NLE1: variants seen among roughly 807,000 people sequenced by gnomAD.
The protein encoded by NLE1 is notchless protein homolog 1.
NLE1 carries 37 observed loss-of-function variants against 62.8 expected under a neutral mutation model. The observed-to-expected ratio is 0.59, with a 90% CI of 0.45 to 0.78. The LOEUF is 0.78. NLE1 is among the 30% of genes least tolerant of loss of function. NLE1 has a pLI of 0.00. For missense variants in NLE1, 555 were observed against 637.9 expected, an observed-to-expected ratio of 0.87 and a Z score of 1.40; for synonymous variants, 243 against 253.0, an observed-to-expected ratio of 0.96 and a Z score of 0.37.
chr17:35,130,529 C>G lies in NLE1; in HGVS notation c.*1908G>C, dbSNP rs1384488159. The G allele has an allele frequency of 7.4e-7, 1 of 1,351,482 alleles. No homozygotes were observed. Among genetic ancestry groups the G allele is most frequent in the East Asian group, 2.4e-5 (1 of 41,986 alleles). The allele number at this position is 1,351,482 out of a possible 1,614,324, so 83.7% of individuals were successfully genotyped here. ...TGAGACCTACCATACCACCAGCACC[C>G]TGCGGGCCCGGGGTCTGGCAGAGTG... is the stretch of plus-strand genomic sequence containing the variant. On this transcript the variant is annotated 3_prime_UTR_variant, in exon 13 of 13. Transcript: ENST00000442241.
Position 35,129,069 on chromosome 17 carries a change from G to A in NLE1, c.*3368C>T. 2 of 228,658 alleles carry A rather than the reference G, an allele frequency of 8.7e-6. No homozygotes were observed. Among genetic ancestry groups the A allele is most frequent in the Admixed American group, 9.9e-5 (2 of 20,246 alleles). The allele number at this position is 228,658 out of a possible 1,614,324, so 14.2% of individuals were successfully genotyped here. On this transcript the variant is annotated 3_prime_UTR_variant, in exon 13 of 13. Coordinates refer to ENST00000442241, the MANE Select transcript of NLE1 (RefSeq NM_018096.5). ...GCCGTGGGGAGCAGCTGTAAATACA[G>A]ATGAAGCTTCGCTTGCTCGCCCACC...
chr17:35,132,528 G>A (rs2091882557), intron 12 of NLE1, 79 bp from the exon 13 acceptor site: 3 of 1,213,868 alleles, frequency 2.5e-6, no homozygotes, highest in Non-Finnish European at 3.2e-6. Context: ...AGTGTCAACA[G>A]ACGGACGGCC....
At position 35,129,860 on chromosome 17, in the gene NLE1, T is replaced by A; in HGVS notation, c.*2577A>T. ...AAGCCACTCTGGGGCCCACTAGGAA[T>A]GCAAACGAATGTATTTTTCAACATC... On this transcript the variant is annotated 3_prime_UTR_variant, in exon 13 of 13. Coordinates refer to ENST00000442241, the MANE Select transcript of NLE1 (RefSeq NM_018096.5). 7.0e-7 allele frequency: 1 copy of A among 1,421,458 alleles called. No individual in the cohort carries two copies. The highest frequency in any genetic ancestry group is 9.2e-7 in the Non-Finnish European group (1 of 1,092,042). The allele number at this position is 1,421,458 out of a possible 1,614,324, so 88.1% of individuals were successfully genotyped here.
At chr17:35,134,468 C>T (rs925980313) in intron 10 of NLE1, among the ~76,000 whole-genome samples, 1 of 151,868 alleles carries the variant, frequency 6.6e-6, no homozygotes, top group Non-Finnish European at 1.5e-5. Context: ...GGTGTGAACT[C>T]GACTCACTGC....
chr17:35,140,885 C>T (rs9899231), intron 2 of NLE1, among the ~76,000 whole-genome samples: 4,777 of 152,310 alleles, frequency 0.031, 234 homozygotes, highest in African/African-American at 0.11. Context: ...CCACTGCACC[C>T]GGCCTGAAAT....
intron 5 of NLE1, 60 bp downstream of exon 5, chr17:35,137,754 G>C (rs367850987): frequency 2.2e-6 from 2 of 922,250 alleles, no homozygotes; most frequent in Admixed American, 1.9e-5. Flanking sequence ...ACCTGATTCT[G>C]AACTGTCTCC....
chr17:35,135,481 G>C, intron 9 of NLE1, 30 bp from the exon 10 acceptor site: 1 of 1,606,990 alleles, frequency 6.2e-7, no homozygotes, highest in Non-Finnish European at 8.5e-7. Flanking sequence ...CACTGTGTTG[G>C]GTGTGGTCTC....
In NLE1 at chr17:35,133,400, A is replaced by G. The variant is rs1462710106; in HGVS notation, c.1313T>C (p.Leu438Pro). The change falls in exon 11 of 13, where the codon CTG becomes CCG. Residue 438 changes from leucine (L) to proline (P), a missense_variant. Physicochemically the swap from Leu to Pro is moderately conservative, Grantham distance 98 (BLOSUM62 -3). Coordinates refer to ENST00000442241, the MANE Select transcript of NLE1 (RefSeq NM_018096.5). ...LLVSGSSDSTLKVWDVKAQKL... is the reference protein window; with the variant it reads ...LLVSGSSDSTPKVWDVKAQKL... Reference sequence around the variant, plus strand: ...CTGGGCCTTCACATCCCACACCTTCAGTGTGCTGTCACTGCTGCCGCTGAC... The same window carrying G: ...CTGGGCCTTCACATCCCACACCTTCGGTGTGCTGTCACTGCTGCCGCTGAC... 2.7e-5 allele frequency: 44 copies of G among 1,614,004 alleles called. No homozygotes were observed. Among genetic ancestry groups the G allele is most frequent in the Non-Finnish European group, 3.7e-5 (44 of 1,180,018 alleles).
At chr17:35,135,138 G>A in intron 10 of NLE1, 111 bp downstream of exon 10, 1 of 968,450 alleles carries the variant, frequency 1.0e-6, no homozygotes, top group Non-Finnish European at 1.7e-6. Flanking sequence ...AGAGGAAACA[G>A]TGGCTTAGAA....
At chr17:35,134,441 C>T (rs1194809430) in intron 10 of NLE1, among the ~76,000 whole-genome samples, 1 of 152,056 alleles carries the variant, frequency 6.6e-6, no homozygotes, top group African/African-American at 2.4e-5. Flanking sequence ...ACTCTGTTGC[C>T]CAGGCTGGAG....
intron 6 of NLE1, 83 bp from the exon 7 acceptor site, chr17:35,137,276 G>C: frequency 7.7e-7 from 1 of 1,295,940 alleles, no homozygotes; most frequent in South Asian, 1.4e-5. Context: ...CAACTTAAAG[G>C]CCATGGACAA....
intron 10 of NLE1, among the ~76,000 whole-genome samples, chr17:35,134,218 C>T (rs1398055400): frequency 6.6e-6 from 1 of 152,178 alleles, no homozygotes; most frequent in African/African-American, 2.4e-5. Context: ...GGGGCCAGGA[C>T]TCTGCATTTC....
rs2091876180 is a variant in NLE1, at chr17:35,131,559, C to T, written c.*878G>A. On this transcript the variant is annotated 3_prime_UTR_variant, in exon 13 of 13. Coordinates refer to ENST00000442241, the MANE Select transcript of NLE1 (RefSeq NM_018096.5). Reference sequence around the variant, plus strand: ...ACTTCCTCTGTATCAACAATACCCACTTCTGCTCAGAGCTCATACTGCTGC... The same window carrying T: ...ACTTCCTCTGTATCAACAATACCCATTTCTGCTCAGAGCTCATACTGCTGC... 1 of 152,274 alleles carries T rather than the reference C, an allele frequency of 6.6e-6. No individual in the cohort carries two copies. The highest frequency in any genetic ancestry group is 2.1e-4 in the South Asian group (1 of 4,832). The allele number at this position is 152,274 out of a possible 1,614,324, so 9.4% of individuals were successfully genotyped here. A position where few individuals can be genotyped will look rare whatever the true frequency, so the allele number is the denominator to read the frequency against.
chr17:35,132,395 A>G lies in NLE1; in HGVS notation c.*42T>C, dbSNP rs200077060. Reference sequence around the variant, plus strand: ...CTCTGGCAGGGAAGGCAGCTGGCAGAGGCCGAGTCGAGGTGGGGGTCAGAG... The same window carrying G: ...CTCTGGCAGGGAAGGCAGCTGGCAGGGGCCGAGTCGAGGTGGGGGTCAGAG... On this transcript the variant is annotated 3_prime_UTR_variant, in exon 13 of 13. Transcript: ENST00000442241. 2.1e-6 allele frequency: 3 copies of G among 1,439,514 alleles called. No homozygotes were observed. Among genetic ancestry groups the G allele is most frequent in the African/African-American group, 2.9e-5 (2 of 68,800 alleles). The allele number at this position is 1,439,514 out of a possible 1,614,324, so 89.2% of individuals were successfully genotyped here.
rs1348399602 is a variant in NLE1 at position 35,142,284 on chromosome 17, C to T, written c.-9G>A. 6 of 1,539,934 alleles carry T rather than the reference C, an allele frequency of 3.9e-6. No homozygotes were observed. In the African/African-American group the frequency reaches 4.1e-5, roughly 11 times the overall value. ...GGCACTGCTGCCGCCATCCTGCGTC[C>T]CCACGTGGAGGAGAAAGAGCCCGGC... On this transcript the variant is annotated 5_prime_UTR_variant, in exon 1 of 13. Transcript: ENST00000442241.
In NLE1 at chr17:35,129,670, G is replaced by GA; in HGVS notation, c.*2766dup. On this transcript the variant is annotated 3_prime_UTR_variant, in exon 13 of 13. Transcript: ENST00000442241. ...GCAAGCCCTACAAAGTGAGCCCTGG[G>GA]AAAAGAGGGGCCTTGGGGGTGGAGA... 1 of 1,611,936 alleles carries GA rather than the reference G, an allele frequency of 6.2e-7. No homozygotes were observed. The highest frequency in any genetic ancestry group is 8.5e-7 in the Non-Finnish European group (1 of 1,179,244).
chr17:35,136,161 ACACT>A lies in NLE1; in HGVS notation c.1011+4_1011+7del, dbSNP rs770298306. ...AGCTAGGGGTGCACGTGGCTGGCAC[ACACT>A]CACCCGCACGAGGTTGTATCGGCTC... is the stretch of plus-strand genomic sequence containing the variant. On this transcript the variant is annotated splice_donor_5th_base_variant and intron_variant, in intron 9 of 12. Coordinates refer to ENST00000442241, the MANE Select transcript of NLE1 (RefSeq NM_018096.5). 1 of 1,614,120 alleles carries A rather than the reference ACACT, an allele frequency of 6.2e-7. No homozygotes were observed. Among genetic ancestry groups the A allele is most frequent in the East Asian group, 2.2e-5 (1 of 44,886 alleles).
rs1391768977 is a variant in NLE1, at chr17:35,132,109, T to C, written c.*328A>G. 1 of 253,030 alleles carries C rather than the reference T, an allele frequency of 4.0e-6. No individual in the cohort carries two copies. Among genetic ancestry groups the C allele is most frequent in the Admixed American group, 5.5e-5 (1 of 18,166 alleles). The allele number at this position is 253,030 out of a possible 1,614,324, so 15.7% of individuals were successfully genotyped here. A position where few individuals can be genotyped will look rare whatever the true frequency, so the allele number is the denominator to read the frequency against. ...GGTCATAGAACCTGGGATCTGACCC[T>C]GTACAGAGCTGACACTAGGGGCCCA... On this transcript the variant is annotated 3_prime_UTR_variant, in exon 13 of 13. Transcript: ENST00000442241.
rs578010732 is a variant in NLE1, at chr17:35,135,762, T to C, written c.1012-311A>G. Among the ~76,000 whole-genome samples the C allele has an allele frequency of 2.6e-5, 4 of 152,328 alleles. No homozygotes were observed. In the South Asian group the frequency reaches 6.2e-4, roughly 24 times the overall value. On this transcript the variant is annotated intron_variant, in intron 9 of 12. Coordinates refer to ENST00000442241, the MANE Select transcript of NLE1 (RefSeq NM_018096.5). ...ATGTATGCATGTGTGTGTGTGCTTA[T>C]ACATATATACTGTATATAGACACGT...
Sources: gnomAD v4.1 joint callset for allele counts (sites outside exome capture counted in the v4.1 genomes callset) on GRCh38, gnomAD v4.1.1 for gene constraint, MANE v1.5 for transcripts, NCBI Gene and HGNC (gene_info 2026-07-23, HGNC 2026-07-21) for gene names.